The following UGT1A10 variants were observed in gnomAD, a reference collection of about 807,000 sequenced individuals.
UGT1A10 encodes the protein UDP-glucuronosyltransferase 1A10.
In UGT1A10, 49 loss-of-function variants were observed where a neutral mutation model predicts 45.8. The observed-to-expected ratio is 1.07, with a 90% CI of 0.85 to 1.36. The LOEUF is 1.36. UGT1A10 is among the 40% of genes most tolerant of loss of function. UGT1A10 has a pLI of 0.00. For missense variants in UGT1A10, 745 were observed against 668.6 expected (o/e 1.11, Z -1.26); for synonymous variants, 284 against 249.7 (o/e 1.14, Z -1.29).
chr2:233,732,771 T>G (rs74968543), intron 1 of UGT1A10, among the ~76,000 whole-genome samples: 78 of 146,658 alleles, frequency 5.3e-4, no homozygotes, highest in Admixed American at 6.8e-5. Flanking sequence ...TTTTTTTTTT[T>G]GCTTAGGATT....
At chr2:233,754,968 C>T in intron 1 of UGT1A10, 3 of 1,303,126 alleles carry the variant, frequency 2.3e-6, no homozygotes, top group Non-Finnish European at 2.1e-6. Context: ...AAAGAACTCC[C>T]TGAAGACCTC....
At chr2:233,728,018 G>A (rs774114702) in intron 1 of UGT1A10, among the ~76,000 whole-genome samples, 4 of 152,350 alleles carry the variant, frequency 2.6e-5, no homozygotes, top group Non-Finnish European at 5.9e-5. Context: ...ACATGTGGGA[G>A]TGACTTTCTG....
intron 1 of UGT1A10, among the ~76,000 whole-genome samples, chr2:233,680,538 CCT>C (rs2074489772): frequency 6.6e-6 from 1 of 152,046 alleles, no homozygotes; most frequent in Non-Finnish European, 1.5e-5. Context: ...CTGTTGAATC[CCT>C]CACGAAATGC....
intron 1 of UGT1A10, chr2:233,761,084 G>A: frequency 6.2e-7 from 1 of 1,614,126 alleles, no homozygotes; most frequent in Non-Finnish European, 8.5e-7. Context: ...GATTACCCTA[G>A]GCCCATCATG....
At chr2:233,706,177 GTC>G (rs1466872999) in intron 1 of UGT1A10, among the ~76,000 whole-genome samples, 2 of 152,312 alleles carry the variant, frequency 1.3e-5, no homozygotes, top group East Asian at 3.9e-4. Context: ...AATGTGGTGT[GTC>G]TGCCCAGGCT....
intron 1 of UGT1A10, among the ~76,000 whole-genome samples, chr2:233,744,983 A>G (rs1224917598): frequency 1.3e-5 from 2 of 151,846 alleles, no homozygotes; most frequent in African/African-American, 4.9e-5. Flanking sequence ...GCCTCTAGTC[A>G]TCTCTTGATT....
intron 1 of UGT1A10, chr2:233,682,801 T>C (rs1356907004): frequency 6.2e-7 from 1 of 1,609,304 alleles, no homozygotes; most frequent in African/African-American, 1.3e-5. Flanking sequence ...TGGTAAGTTA[T>C]CTCCCCTTTA....
At chr2:233,678,560 G>C (rs541941089) in intron 1 of UGT1A10, among the ~76,000 whole-genome samples, 1 of 152,162 alleles carries the variant, frequency 6.6e-6, no homozygotes, top group Non-Finnish European at 1.5e-5. Context: ...CTTTTATACA[G>C]TACTAATCCT....
intron 1 of UGT1A10, among the ~76,000 whole-genome samples, chr2:233,664,949 G>C (rs554769653): frequency 6.6e-6 from 1 of 152,128 alleles, no homozygotes; most frequent in South Asian, 2.1e-4. Flanking sequence ...TACTCTTTTT[G>C]GGAAAATACC....
intron 1 of UGT1A10, chr2:233,729,208 A>C: frequency 6.2e-7 from 1 of 1,614,056 alleles, no homozygotes; most frequent in Non-Finnish European, 8.5e-7. Flanking sequence ...CTGGGCTGAG[A>C]GTGGAAAGGT....
At chr2:233,648,710 C>T (rs913357253) in intron 1 of UGT1A10, 10 of 416,440 alleles carry the variant, frequency 2.4e-5, no homozygotes, top group African/African-American at 6.2e-5. Flanking sequence ...GTGATCCGCC[C>T]GCCTTGGCCT....
intron 1 of UGT1A10, among the ~76,000 whole-genome samples, chr2:233,763,394 A>G (rs567930530): frequency 6.6e-6 from 1 of 152,328 alleles, no homozygotes; most frequent in South Asian, 2.1e-4. Context: ...TTTAAACAAC[A>G]TGGCACTGGT....
At chr2:233,734,469 G>A (rs2078529188) in intron 1 of UGT1A10, among the ~76,000 whole-genome samples, 1 of 149,640 alleles carries the variant, frequency 6.7e-6, no homozygotes, top group Non-Finnish European at 1.5e-5. Flanking sequence ...TCCATCTCCT[G>A]GATTCATTGA....
rs71398794 is a variant in UGT1A10, at chr2:233,687,583, TAA to T, written c.855+50229_855+50230del. ...AGAATTCAAGACCATACATTCTTTG[TAA>T]AAAAAAAAAAAAAAAAAAAAAAGGA... On this transcript the variant is annotated intron_variant, in intron 1 of 4. Coordinates refer to ENST00000344644, the MANE Select transcript of UGT1A10 (RefSeq NM_019075.4). Among the ~76,000 whole-genome samples, 1,070 of 107,386 alleles carry T rather than the reference TAA, an allele frequency of 1.0e-2. 22 individuals are homozygous for T. The highest frequency in any genetic ancestry group is 0.033 in the African/African-American group (983 of 29,662). 70.4% of individuals were successfully genotyped at this position (107,386 alleles called of 152,430 possible).
At chr2:233,649,506 A>G (rs1575400741) in intron 1 of UGT1A10, among the ~76,000 whole-genome samples, 1 of 152,228 alleles carries the variant, frequency 6.6e-6, no homozygotes, top group Admixed American at 6.5e-5. Flanking sequence ...ATATAAGCAT[A>G]TATGTAAATA....
chr2:233,659,819 C>G (rs535810534), intron 1 of UGT1A10, among the ~76,000 whole-genome samples: 1 of 152,292 alleles, frequency 6.6e-6, no homozygotes, highest in Admixed American at 6.5e-5. Flanking sequence ...AAGTCAAAAG[C>G]AGTCTTCAAT....
At chr2:233,653,239 T>C (rs1197759817) in intron 1 of UGT1A10, among the ~76,000 whole-genome samples, 1 of 152,220 alleles carries the variant, frequency 6.6e-6, no homozygotes, top group East Asian at 1.9e-4. Flanking sequence ...AGGGGATTTA[T>C]TTGAAAAACA....
intron 1 of UGT1A10, among the ~76,000 whole-genome samples, chr2:233,730,329 G>A (rs1170762971): frequency 1.3e-5 from 2 of 152,172 alleles, no homozygotes; most frequent in Non-Finnish European, 2.9e-5. Context: ...GGGACACTAC[G>A]TTTGGAACTG....
intron 1 of UGT1A10, chr2:233,741,678 G>T (rs1691739427): frequency 1.3e-5 from 2 of 151,908 alleles, no homozygotes; most frequent in African/African-American, 4.9e-5. Context: ...TTTATTGCTT[G>T]GGTGCCATTA....
Sources: gnomAD v4.1 joint callset for allele counts (sites outside exome capture counted in the v4.1 genomes callset) on GRCh38, gnomAD v4.1.1 for gene constraint, MANE v1.5 for transcripts, NCBI Gene and HGNC (gene_info 2026-07-23, HGNC 2026-07-21) for gene names.